SSX7: variants seen among roughly 807,000 people sequenced by gnomAD.
SSX7 encodes SSX family member 7, also known as protein SSX7.
Under a neutral mutation model 14.7 loss-of-function variants are expected in SSX7, and 15 were observed. The observed-to-expected ratio is 1.02, with a 90% CI of 0.68 to 1.58. The LOEUF (loss-of-function observed/expected upper bound fraction) is 1.58. Among genes scored for constraint, SSX7 ranks in the 40% most tolerant of loss-of-function variants. The pLI is 0.00. For synonymous variants in SSX7, 46 were observed against 50.6 expected (o/e 0.91, Z 0.38); for missense variants, 178 against 146.8 (o/e 1.21, Z -1.10).
chrX:52,649,677 C>G (rs1925367492), intron 5 of SSX7, among the ~76,000 whole-genome samples: 1 of 111,792 alleles, frequency 8.9e-6, no homozygotes, highest in African/African-American at 3.2e-5. Flanking sequence ...AAAACGATTC[C>G]TAAGCCATGC....
At chrX:52,653,654 A>G (rs1406871093) in intron 1 of SSX7, among the ~76,000 whole-genome samples, 162 bp from the exon 2 acceptor site, 2 of 110,351 alleles carry the variant, frequency 1.8e-5, no homozygotes, top group Non-Finnish European at 3.8e-5. Context: ...GCGAAGTCAG[A>G]TGAAAATAGG....
At chrX:52,649,671 C>T (rs1418339185) in intron 5 of SSX7, among the ~76,000 whole-genome samples, 7 of 111,763 alleles carry the variant, frequency 6.3e-5, no homozygotes, top group Non-Finnish European at 1.1e-4. Flanking sequence ...ACAGTCAAAA[C>T]GATTCCTAAG....
chrX:52,647,543 T>G (rs1402410142), intron 6 of SSX7, among the ~76,000 whole-genome samples: 1 of 111,646 alleles, frequency 9.0e-6, no homozygotes, highest in Non-Finnish European at 1.9e-5. Flanking sequence ...GTTGTGTTCT[T>G]TTAAGAAACT....
At chrX:52,645,777 C>G (rs1385162605) in intron 6 of SSX7, among the ~76,000 whole-genome samples, 2 of 111,467 alleles carry the variant, frequency 1.8e-5, no homozygotes, top group Non-Finnish European at 3.8e-5. Context: ...TTTAGATTCC[C>G]AACCTTTTCA....
chrX:52,652,786 T>G, intron 3 of SSX7, 84 bp downstream of exon 3: 1 of 917,973 alleles, frequency 1.1e-6, no homozygotes, highest in Non-Finnish European at 1.5e-6. Context: ...GTGGGGTACT[T>G]TCTGCAGCCT....
chrX:52,651,531 A>G (rs1360024995), intron 4 of SSX7, among the ~76,000 whole-genome samples: 1 of 111,776 alleles, frequency 8.9e-6, no homozygotes, highest in East Asian at 2.8e-4. Context: ...GGATCTCAAC[A>G]TTACCCCACA....
intron 4 of SSX7, 148 bp downstream of exon 4, chrX:52,652,104 A>C: frequency 8.8e-6 from 4 of 452,478 alleles, no homozygotes; most frequent in Admixed American, 3.9e-5. Context: ...TGGCCTCTGT[A>C]GTTAACTTTC....
At chrX:52,649,578 G>T (rs1556766760) in intron 5 of SSX7, among the ~76,000 whole-genome samples, 2 of 111,847 alleles carry the variant, frequency 1.8e-5, no homozygotes, top group African/African-American at 6.5e-5. Context: ...GCCTCCGAGG[G>T]ATCCCCTGGG....
At chrX:52,645,690 G>A in intron 6 of SSX7, 147 bp from the exon 7 acceptor site, 3 of 566,396 alleles carry the variant, frequency 5.3e-6, no homozygotes, top group Non-Finnish European at 8.4e-6. Flanking sequence ...GCTTAGAGAG[G>A]CTGAGACCTT....
Position 52,648,196 on chromosome X carries a change from C to T in SSX7, c.466+65G>A. On this transcript the variant is annotated intron_variant, in intron 6 of 7. Coordinates refer to ENST00000298181, the MANE Select transcript of SSX7 (RefSeq NM_173358.2). ...TTGTCTGGGGTCCATGCCACACACCCAGTCCACACACCTGAACATAGCCAC... is the reference window on the plus strand; with the variant it reads ...TTGTCTGGGGTCCATGCCACACACCTAGTCCACACACCTGAACATAGCCAC... 4 of 1,172,266 alleles carry T rather than the reference C, an allele frequency of 3.4e-6. No individual in the cohort carries two copies. In the Middle Eastern group the frequency reaches 7.2e-4, roughly 210 times the overall value.
At chrX:52,645,086 G>A (rs1348425848) in intron 7 of SSX7, among the ~76,000 whole-genome samples, 1 of 110,636 alleles carries the variant, frequency 9.0e-6, no homozygotes, top group Non-Finnish European at 1.9e-5. Flanking sequence ...TGGCTAACAC[G>A]GTGAAACCCC....
chrX:52,646,654 G>A (rs1283407020), intron 6 of SSX7, among the ~76,000 whole-genome samples: 3 of 112,010 alleles, frequency 2.7e-5, no homozygotes, highest in Non-Finnish European at 5.6e-5. Context: ...TTAATGTTGT[G>A]TGTCTTCTGA....
intron 7 of SSX7, among the ~76,000 whole-genome samples, chrX:52,645,007 C>A (rs1355887442): frequency 1.8e-5 from 2 of 111,166 alleles, no homozygotes; most frequent in African/African-American, 6.5e-5. Context: ...CGGTGGTTCA[C>A]GCCTGTAATC....
intron 5 of SSX7, among the ~76,000 whole-genome samples, chrX:52,649,770 C>T (rs1349087860): frequency 1.8e-5 from 2 of 112,428 alleles, no homozygotes; most frequent in African/African-American, 6.5e-5. Flanking sequence ...CCAGCAGGCC[C>T]TATGGGGTGA....
chrX:52,646,221 G>C (rs1452547325), intron 6 of SSX7, among the ~76,000 whole-genome samples: 2 of 110,956 alleles, frequency 1.8e-5, no homozygotes, highest in East Asian at 2.8e-4. Context: ...ATGTCACCAC[G>C]CCTGGCTAAT....
chrX:52,646,201 C>A (rs1925239734), intron 6 of SSX7, among the ~76,000 whole-genome samples: 1 of 111,436 alleles, frequency 9.0e-6, no homozygotes, highest in Admixed American at 9.5e-5. Context: ...GTAGCTGGGA[C>A]TACAGGAGCA....
chrX:52,650,303 C>A, intron 5 of SSX7, 50 bp downstream of exon 5: 1 of 1,186,512 alleles, frequency 8.4e-7, no homozygotes, highest in South Asian at 1.8e-5. Flanking sequence ...GTGTTTGCAT[C>A]CATGGAGGGA....
chrX:52,652,488 G>C (rs1313468069), intron 3 of SSX7, 141 bp from the exon 4 acceptor site: 3 of 491,242 alleles, frequency 6.1e-6, no homozygotes, highest in Non-Finnish European at 1.1e-5. Flanking sequence ...AGTGAGCTAT[G>C]ACTGCACTAC....
At position 52,650,417 on chromosome X, in the gene SSX7, A is replaced by T; in HGVS notation, c.281-15T>A. ...AGGACGTTCAACTGAAAGAGAATAT[A>T]TCAGAATTTTTCTTTGTTGGTAAAG... On this transcript the variant is annotated splice_polypyrimidine_tract_variant and intron_variant, in intron 4 of 7. Coordinates refer to ENST00000298181, the MANE Select transcript of SSX7 (RefSeq NM_173358.2). 1.7e-6 allele frequency: 2 copies of T among 1,206,330 alleles called. No homozygotes were observed. The highest frequency in any genetic ancestry group is 2.2e-6 in the Non-Finnish European group (2 of 891,286).
Sources: allele counts gnomAD v4.1 joint callset (sites outside exome capture counted in the v4.1 genomes callset), GRCh38; gene constraint gnomAD v4.1.1; transcripts MANE v1.5; gene names NCBI Gene and HGNC (gene_info 2026-07-23, HGNC 2026-07-21).